Variants in SNAPC3 observed in about 807,000 individuals in gnomAD.
SNAPC3 encodes the protein snRNA-activating protein complex subunit 3.
SNAPC3 carries 56 observed loss-of-function variants against 47.7 expected under a neutral mutation model. The observed-to-expected ratio is 1.18, with a 90% CI of 0.95 to 1.47. SNAPC3 has a LOEUF of 1.47. Ranked by LOEUF, SNAPC3 falls within the 40% of genes most tolerant of loss-of-function variation. The pLI is 0.00. For missense variants in SNAPC3, 665 were observed against 511.3 expected (o/e 1.30, Z -2.90); for synonymous variants, 235 against 189.9 (o/e 1.24, Z -1.95).
intron 5 of SNAPC3, among the ~76,000 whole-genome samples, chr9:15,447,898 A>C (rs887642160): frequency 6.6e-6 from 1 of 152,188 alleles, no homozygotes; most frequent in Non-Finnish European, 1.5e-5. Flanking sequence ...GAAGCCCTGC[A>C]TACCCCCTGG....
intron 4 of SNAPC3, among the ~76,000 whole-genome samples, chr9:15,445,035 A>G (rs1172724204): frequency 1.3e-5 from 2 of 152,278 alleles, no homozygotes; most frequent in African/African-American, 4.8e-5. Flanking sequence ...CAAGGTTGTA[A>G]GCGAGCTATG....
chr9:15,429,218 G>A (rs978187041), intron 2 of SNAPC3, among the ~76,000 whole-genome samples: 1 of 152,050 alleles, frequency 6.6e-6, no homozygotes, highest in African/African-American at 2.4e-5. Context: ...CTCAATGAAG[G>A]TGTGAATTGA....
Position 15,459,672 on chromosome 9 carries a change from T to C in SNAPC3, c.1089-47T>C, listed in dbSNP as rs780717188. Reference sequence around the variant, plus strand: ...TACAGGTCATAAAGCATGTTAAGTATGGCAAATTTGATTGTAATGATGTAC... The same window carrying C: ...TACAGGTCATAAAGCATGTTAAGTACGGCAAATTTGATTGTAATGATGTAC... On this transcript the variant is annotated intron_variant, in intron 8 of 8. Coordinates refer to ENST00000380821, the MANE Select transcript of SNAPC3 (RefSeq NM_001039697.2). 4 of 1,543,760 alleles carry C rather than the reference T, an allele frequency of 2.6e-6. No homozygotes were observed. The East Asian group carries it at 6.8e-5, about 26-fold the overall frequency.
intron 2 of SNAPC3, among the ~76,000 whole-genome samples, chr9:15,429,949 G>T (rs991519269): frequency 1.3e-5 from 2 of 152,132 alleles, no homozygotes; most frequent in African/African-American, 4.8e-5. Context: ...TAGTGATGCT[G>T]ATATCAGACA....
intron 7 of SNAPC3, among the ~76,000 whole-genome samples, chr9:15,454,330 T>G (rs2034616063): frequency 6.6e-6 from 1 of 152,158 alleles, no homozygotes; most frequent in Non-Finnish European, 1.5e-5. Context: ...TTGTATCCCA[T>G]GCACTCCATC....
At chr9:15,451,581 C>G (rs1328303258) in intron 6 of SNAPC3, among the ~76,000 whole-genome samples, 179 bp downstream of exon 6, 1 of 152,266 alleles carries the variant, frequency 6.6e-6, no homozygotes, top group South Asian at 2.1e-4. Context: ...GTCCCAGCCA[C>G]TCCGGAGGCT....
intron 3 of SNAPC3, among the ~76,000 whole-genome samples, chr9:15,438,580 A>G (rs1378621848): frequency 1.3e-5 from 2 of 152,010 alleles, no homozygotes; most frequent in Non-Finnish European, 2.9e-5. Context: ...ATACAGCCAT[A>G]ACTTTTTAAA....
At chr9:15,428,833 T>G (rs2031783758) in intron 2 of SNAPC3, among the ~76,000 whole-genome samples, 1 of 151,814 alleles carries the variant, frequency 6.6e-6, no homozygotes, top group Non-Finnish European at 1.5e-5. Flanking sequence ...AAAAGTAAGA[T>G]GAATCCGAGA....
intron 3 of SNAPC3, among the ~76,000 whole-genome samples, chr9:15,437,408 T>C (rs1222419060): frequency 6.6e-6 from 1 of 152,052 alleles, no homozygotes; most frequent in African/African-American, 2.4e-5. Flanking sequence ...ACTTTTTGTA[T>C]TTTTAGTAGA....
chr9:15,423,228 G>A, intron 1 of SNAPC3, 35 bp downstream of exon 1: 1 of 1,533,846 alleles, frequency 6.5e-7, no homozygotes, highest in Non-Finnish European at 8.7e-7. Flanking sequence ...TGCAGCTTGG[G>A]GTCAAACAGG....
intron 3 of SNAPC3, among the ~76,000 whole-genome samples, chr9:15,442,647 C>A (rs2263946): frequency 4.5e-4 from 68 of 151,830 alleles, no homozygotes; most frequent in African/African-American, 1.6e-3. Context: ...ACTTCCTAGA[C>A]GAGATGGCGG....
chr9:15,463,798 G>C (rs2035410671), downstream of SNAPC3: 1 of 152,168 alleles, frequency 6.6e-6, no homozygotes, highest in African/African-American at 2.4e-5. Context: ...TAAATTATGA[G>C]AATGATGCTC....
rs2034929268 is a variant in SNAPC3, at chr9:15,458,023, G to A, written c.1044G>A (p.Trp348Ter). The change falls in exon 8 of 9, where the codon TGG becomes TGA. Residue 348 changes from tryptophan to a stop codon, truncating the protein, a stop_gained. Transcript: ENST00000380821. LOFTEE classifies it high-confidence loss of function. ...TLYPLLIKKH[W>*]LWTRKCFVCK... ...ATCCCCTCCTTATCAAGAAGCATTG[G>A]CTATGGACCAGAAAATGTTTTGTTT... 6 of 1,593,374 alleles carry A rather than the reference G, an allele frequency of 3.8e-6. No homozygotes were observed. Among genetic ancestry groups the A allele is most frequent in the Non-Finnish European group, 5.1e-6 (6 of 1,172,892 alleles).
rs750788017 is a variant in SNAPC3 at position 15,461,108 on chromosome 9, G to GT, written c.*1243dup. 1.3e-5 allele frequency: 2 copies of GT among 150,180 alleles called. No individual in the cohort carries two copies. Among genetic ancestry groups the GT allele is most frequent in the Non-Finnish European group, 3.0e-5 (2 of 67,654 alleles). 9.3% of individuals were successfully genotyped at this position (150,180 alleles called of 1,614,324 possible). A position where few individuals can be genotyped will look rare whatever the true frequency, so the allele number is the denominator to read the frequency against. On this transcript the variant is annotated 3_prime_UTR_variant, in exon 9 of 9. Coordinates refer to ENST00000380821, the MANE Select transcript of SNAPC3 (RefSeq NM_001039697.2). ...CCATTCTTCTGGTCCCCTTACTATA[G>GT]TAATTCTAGTTACTCTCATCTTATT...
At chr9:15,431,261 G>C (rs1258519073) in intron 2 of SNAPC3, among the ~76,000 whole-genome samples, 1 of 152,184 alleles carries the variant, frequency 6.6e-6, no homozygotes, top group Non-Finnish European at 1.5e-5. Context: ...CACTGATGCA[G>C]TACCATAGCA....
intron 4 of SNAPC3, among the ~76,000 whole-genome samples, chr9:15,445,793 A>G (rs1236976565): frequency 2.0e-5 from 3 of 152,148 alleles, no homozygotes; most frequent in Admixed American, 6.5e-5. Context: ...TACAAAAAAT[A>G]CAAAAACTAG....
At chr9:15,435,784 T>C (rs1044868522) in intron 3 of SNAPC3, among the ~76,000 whole-genome samples, 2 of 151,298 alleles carry the variant, frequency 1.3e-5, no homozygotes, top group Non-Finnish European at 2.9e-5. Flanking sequence ...CCTTACCATA[T>C]AAGTAATTTA....
chr9:15,451,886 A>C (rs1320611411), intron 6 of SNAPC3, among the ~76,000 whole-genome samples: 1 of 152,128 alleles, frequency 6.6e-6, no homozygotes, highest in Non-Finnish European at 1.5e-5. Context: ...AAAATCTGTA[A>C]GCTCATTTTA....
At chr9:15,428,111 CAAAAA>C (rs34074367) in intron 2 of SNAPC3, among the ~76,000 whole-genome samples, 2 of 73,014 alleles carry the variant, frequency 2.7e-5, no homozygotes, top group African/African-American at 5.4e-5. Flanking sequence ...ACTCTGTCTC[CAAAAA>C]AAAAAAAAAA....
Sources: gnomAD v4.1 joint callset for allele counts (sites outside exome capture counted in the v4.1 genomes callset) on GRCh38, gnomAD v4.1.1 for gene constraint, MANE v1.5 for transcripts, NCBI Gene and HGNC (gene_info 2026-07-23, HGNC 2026-07-21) for gene names.